Variants in CLOCK observed in about 807,000 individuals in gnomAD.
The protein encoded by CLOCK is circadian locomoter output cycles protein kaput.
A neutral mutation model predicts 118.4 loss-of-function variants in CLOCK; 43 were observed. That is an observed-to-expected ratio of 0.36 (90% CI 0.28 to 0.47). CLOCK has a LOEUF of 0.47. Ranked by LOEUF, CLOCK falls within the 20% of genes least tolerant of loss-of-function variation. CLOCK has a pLI of 1.00. For missense variants in CLOCK, 846 were observed against 999.9 expected (o/e 0.85, Z 2.08); for synonymous variants, 326 against 339.2 (o/e 0.96, Z 0.43).
intron 2 of CLOCK, chr4:55,501,467 G>C (rs1233135325): frequency 7.0e-6 from 1 of 142,040 alleles, no homozygotes; most frequent in Non-Finnish European, 1.6e-5. Flanking sequence ...ACTCAGGCTA[G>C]AGTGTGGTGG....
intron 1 of CLOCK, among the ~76,000 whole-genome samples, chr4:55,539,485 A>G (rs535768904): frequency 6.9e-6 from 1 of 144,884 alleles, no homozygotes; most frequent in East Asian, 2.2e-4. Flanking sequence ...GAGGTGAAGG[A>G]TTGCCTGAGC....
At chr4:55,462,797 C>T (rs577712229) in intron 9 of CLOCK, among the ~76,000 whole-genome samples, 8 of 152,106 alleles carry the variant, frequency 5.3e-5, no homozygotes, top group Non-Finnish European at 7.4e-5. Context: ...TCTCAACTCT[C>T]GCTGAAAGGC....
intron 1 of CLOCK, among the ~76,000 whole-genome samples, chr4:55,544,333 ATTGT>A (rs1731474084): frequency 6.6e-6 from 1 of 152,128 alleles, no homozygotes; most frequent in Non-Finnish European, 1.5e-5. Context: ...CCTCCTCATA[ATTGT>A]TTGTCATGAA....
chr4:55,493,443 G>A (rs1040889422), intron 2 of CLOCK, among the ~76,000 whole-genome samples: 2 of 151,916 alleles, frequency 1.3e-5, no homozygotes, highest in Non-Finnish European at 2.9e-5. Context: ...TTAATTGACC[G>A]GTATAATACA....
intron 15 of CLOCK, 166 bp downstream of exon 15, chr4:55,452,888 G>T (rs976094174): frequency 5.6e-6 from 3 of 534,316 alleles, no homozygotes; most frequent in Non-Finnish European, 9.8e-6. Flanking sequence ...AGGCAGGTGA[G>T]ACTCTAAAAT....
intron 21 of CLOCK, among the ~76,000 whole-genome samples, chr4:55,442,002 A>G (rs1443325218): frequency 6.6e-6 from 1 of 152,122 alleles, no homozygotes; most frequent in East Asian, 1.9e-4. Flanking sequence ...AGGCCCTCAC[A>G]TACATTTTCT....
intron 1 of CLOCK, among the ~76,000 whole-genome samples, chr4:55,514,211 A>G (rs1006185070): frequency 1.3e-5 from 2 of 152,136 alleles, no homozygotes; most frequent in African/African-American, 4.8e-5. Flanking sequence ...CTTAAGTTCT[A>G]GATTCTCACC....
intron 4 of CLOCK, among the ~76,000 whole-genome samples, chr4:55,480,545 T>A (rs1180459063): frequency 6.6e-6 from 1 of 152,146 alleles, no homozygotes; most frequent in East Asian, 1.9e-4. Flanking sequence ...GGATTACAGG[T>A]GTGAGCTGCC....
intron 1 of CLOCK, among the ~76,000 whole-genome samples, chr4:55,544,018 T>C (rs1311140894): frequency 6.6e-6 from 1 of 152,164 alleles, no homozygotes; most frequent in Non-Finnish European, 1.5e-5. Context: ...TACACAATAT[T>C]AGTCACCAGG....
Position 55,429,015 on chromosome 4 carries a change from A to AT in CLOCK, c.*6399dup, listed in dbSNP as rs1274224405. 7.1e-6 allele frequency: 1 copy of AT among 140,398 alleles called. No homozygotes were observed. Among genetic ancestry groups the AT allele is most frequent in the African/African-American group, 2.6e-5 (1 of 38,010 alleles). The allele number at this position is 140,398 out of a possible 1,614,324, so 8.7% of individuals were successfully genotyped here. On this transcript the variant is annotated 3_prime_UTR_variant, in exon 23 of 23. Coordinates refer to ENST00000513440, the MANE Select transcript of CLOCK (RefSeq NM_004898.4). ...TTTTTAAAAAGACATTTCCTGGCCAATTTTTTTGCTTGAAGATGATTGTCT... is the reference window on the plus strand; with the variant it reads ...TTTTTAAAAAGACATTTCCTGGCCAATTTTTTTTGCTTGAAGATGATTGTCT...
At position 55,508,769 on chromosome 4, in the gene CLOCK, T is replaced by C. The variant is rs200499178; in HGVS notation, c.-136+1143A>G. On this transcript the variant is annotated intron_variant, in intron 2 of 22. Transcript: ENST00000513440. Reference sequence around the variant, plus strand: ...CACCACGCCTGGCTAATTGTTTGTATTTTTAGTAGAGACGGAGTTTCACCG... The same window carrying C: ...CACCACGCCTGGCTAATTGTTTGTACTTTTAGTAGAGACGGAGTTTCACCG... Among the ~76,000 whole-genome samples, 33 of 152,228 alleles carry C rather than the reference T, an allele frequency of 2.2e-4. No individual in the cohort carries two copies. The East Asian group carries it at 6.0e-3, about 28-fold the overall frequency.
In CLOCK at chr4:55,511,938, A is replaced by T. The variant is rs1454304000; in HGVS notation, c.-289-1873T>A. On this transcript the variant is annotated intron_variant, in intron 1 of 22. Transcript: ENST00000513440. ...TTTCTCCATGTCTTTTCACGGCTTG[A>T]TAATTTCTTTTTGGCACTGAATGAT... 2.0e-5 allele frequency among the ~76,000 whole-genome samples: 3 copies of T among 151,688 alleles called. No homozygotes were observed. In the South Asian group the frequency reaches 6.3e-4, roughly 32 times the overall value.
rs559139302 is a variant in CLOCK, at chr4:55,430,988, A to T, written c.*4427T>A. 6.6e-6 allele frequency: 1 copy of T among 152,184 alleles called. No homozygotes were observed. Among genetic ancestry groups the T allele is most frequent in the Non-Finnish European group, 1.5e-5 (1 of 68,030 alleles). The allele number at this position is 152,184 out of a possible 1,614,324, so 9.4% of individuals were successfully genotyped here. ...CAACTACGGTTCACTGGACCTAAAC[A>T]TTTCTCAGAAATGTGTCATTTTATA... On this transcript the variant is annotated 3_prime_UTR_variant, in exon 23 of 23. Transcript: ENST00000513440.
intron 7 of CLOCK, among the ~76,000 whole-genome samples, chr4:55,475,655 A>G (rs1409768275): frequency 6.6e-6 from 1 of 152,226 alleles, no homozygotes; most frequent in African/African-American, 2.4e-5. Flanking sequence ...ACTGACACTG[A>G]GGCAATACCT....
chr4:55,437,353 T>C, intron 22 of CLOCK, among the ~76,000 whole-genome samples: 1 of 152,184 alleles, frequency 6.6e-6, no homozygotes, highest in South Asian at 2.1e-4. Flanking sequence ...CAGACTAGCC[T>C]ACATTCAAAA....
rs1727025155 is a variant in CLOCK at position 55,482,840 on chromosome 4, A to G, written c.-43-12T>C. ...CATTTGTACTTCTCCTTAGGTGAAA[A>G]GAAAAATAAATGGTCATTAGTTTTC... On this transcript the variant is annotated splice_polypyrimidine_tract_variant and intron_variant, in intron 3 of 22. Coordinates refer to ENST00000513440, the MANE Select transcript of CLOCK (RefSeq NM_004898.4). 7 of 1,279,422 alleles carry G rather than the reference A, an allele frequency of 5.5e-6. No homozygotes were observed. The highest frequency in any genetic ancestry group is 7.9e-6 in the Non-Finnish European group (7 of 891,442). The allele number at this position is 1,279,422 out of a possible 1,614,324, so 79.3% of individuals were successfully genotyped here.
Position 55,444,690 on chromosome 4 carries a change from T to C in CLOCK, c.1635A>G (p.Gln545=), listed in dbSNP as rs770334118. The C allele has an allele frequency of 1.5e-4, 248 of 1,614,056 alleles. No individual in the cohort carries two copies. Among genetic ancestry groups the C allele is most frequent in the Non-Finnish European group, 2.1e-4 (245 of 1,180,020 alleles). Residue 545 remains glutamine (Q), a synonymous_variant, in exon 19 of 23, where the codon CAA becomes CAG. Coordinates refer to ENST00000513440, the MANE Select transcript of CLOCK (RefSeq NM_004898.4). ...RMIEANIHRQ[Q]EELRKIQEQL... is the part of the protein sequence containing the mutation. ...GTTCTTGAATTTTTCTTAGTTCTTCTTGTTGCCGATGAATATTTGCTTCTA... is the reference window on the plus strand; with the variant it reads ...GTTCTTGAATTTTTCTTAGTTCTTCCTGTTGCCGATGAATATTTGCTTCTA...
rs1407390538 is a variant in CLOCK at position 55,495,503 on chromosome 4, CT to C, written c.-135-6039del. Among the ~76,000 whole-genome samples, 17 of 151,990 alleles carry C rather than the reference CT, an allele frequency of 1.1e-4. No homozygotes were observed. The East Asian group carries it at 3.3e-3, about 29-fold the overall frequency. On this transcript the variant is annotated intron_variant, in intron 2 of 22. Coordinates refer to ENST00000513440, the MANE Select transcript of CLOCK (RefSeq NM_004898.4). The stretch of plus-strand genomic sequence containing the variant: ...AACTCACTGTCATTTCTGAATTATT[CT>C]CTCCCTCCCTAAAACCTTAGCTTTG...
chr4:55,497,077 T>G (rs1334418944), intron 2 of CLOCK, among the ~76,000 whole-genome samples: 1 of 152,210 alleles, frequency 6.6e-6, no homozygotes, highest in East Asian at 1.9e-4. Context: ...TTTACTATCT[T>G]ACAGTTCTGT....
Sources: gnomAD v4.1 joint callset for allele counts (sites outside exome capture counted in the v4.1 genomes callset) on GRCh38, gnomAD v4.1.1 for gene constraint, MANE v1.5 for transcripts, NCBI Gene and HGNC (gene_info 2026-07-23, HGNC 2026-07-21) for gene names.